The following KDM4B variants were observed in gnomAD, a reference collection of about 807,000 sequenced individuals.
The protein encoded by KDM4B is lysine-specific demethylase 4B.
Under a neutral mutation model 125.2 loss-of-function variants are expected in KDM4B, and 32 were observed. The observed-to-expected ratio is 0.26, with a 90% confidence interval of 0.19 to 0.34. The LOEUF (loss-of-function observed/expected upper bound fraction) is 0.34. Ranked by LOEUF, KDM4B falls within the 10% of genes least tolerant of loss-of-function variation. The pLI is 1.00. For missense variants in KDM4B, 1,190 were observed against 1,577.7 expected, an observed-to-expected ratio of 0.75 and a Z score of 4.16; for synonymous variants, 721 against 677.9, an observed-to-expected ratio of 1.06 and a Z score of -0.99.
chr19:5,119,352 C>G, intron 10 of KDM4B: 1 of 681,658 alleles, frequency 1.5e-6, no homozygotes, highest in Non-Finnish European at 2.5e-6. Flanking sequence ...CCCGTCATCC[C>G]ACCTGGTGTC....
chr19:5,090,606 C>G (rs1218251122), intron 9 of KDM4B, among the ~76,000 whole-genome samples: 2 of 83,626 alleles, frequency 2.4e-5, no homozygotes, highest in Non-Finnish European at 4.9e-5. Flanking sequence ...CTCTTTCTCT[C>G]TCTCTCTCTG....
intron 11 of KDM4B, among the ~76,000 whole-genome samples, chr19:5,129,092 T>C (rs915622376): frequency 6.6e-6 from 1 of 152,134 alleles, no homozygotes; most frequent in African/African-American, 2.4e-5. Context: ...CGCCTGTCCT[T>C]CTTGAGAAAC....
chr19:5,138,102 C>A, intron 18 of KDM4B, 32 bp downstream of exon 18: 2 of 1,553,052 alleles, frequency 1.3e-6, no homozygotes, highest in Non-Finnish European at 8.8e-7. Context: ...CCACCCTGCC[C>A]GTGCCTCTAG....
chr19:5,014,921 G>A (rs979023841), intron 1 of KDM4B, among the ~76,000 whole-genome samples: 4 of 151,658 alleles, frequency 2.6e-5, no homozygotes, highest in Non-Finnish European at 4.4e-5. Context: ...CTTGAACCCG[G>A]CAGGCGGAGG....
chr19:5,130,583 G>A (rs763393570), intron 11 of KDM4B, among the ~76,000 whole-genome samples: 1 of 152,226 alleles, frequency 6.6e-6, no homozygotes, highest in East Asian at 1.9e-4. Context: ...TTTTACTTTC[G>A]TCAAAAGCAA....
intron 6 of KDM4B, among the ~76,000 whole-genome samples, chr19:5,070,139 C>T (rs766749659): frequency 3.5e-4 from 53 of 152,302 alleles, no homozygotes; most frequent in Non-Finnish European, 7.2e-4. Flanking sequence ...CCTCAGCTGG[C>T]ACTCAGCTGT....
At chr19:5,049,763 A>T (rs1317498170) in intron 6 of KDM4B, among the ~76,000 whole-genome samples, 2 of 151,972 alleles carry the variant, frequency 1.3e-5, no homozygotes, top group African/African-American at 2.4e-5. Flanking sequence ...TCCCCAGCAG[A>T]TGGTAGGGGC....
At chr19:5,026,067 G>A (rs2036268592) in intron 2 of KDM4B, among the ~76,000 whole-genome samples, 1 of 151,070 alleles carries the variant, frequency 6.6e-6, no homozygotes, top group Non-Finnish European at 1.5e-5. Flanking sequence ...ATTTTTAGTA[G>A]AGATGGGAGT....
chr19:5,057,284 G>T (rs976361923), intron 6 of KDM4B, among the ~76,000 whole-genome samples: 2 of 152,124 alleles, frequency 1.3e-5, no homozygotes, highest in African/African-American at 4.8e-5. Flanking sequence ...GGCTGCATTG[G>T]AAGGTCTTAC....
At chr19:5,101,035 A>T (rs2145950472) in intron 9 of KDM4B, among the ~76,000 whole-genome samples, 1 of 151,346 alleles carries the variant, frequency 6.6e-6, no homozygotes, top group East Asian at 2.0e-4. Context: ...AGCCTGGCCA[A>T]CATGGTGAAA....
chr19:5,135,454 C>T lies in KDM4B; in HGVS notation c.2201C>T (p.Thr734Ile). The stretch of plus-strand genomic sequence containing the variant: ...CCGCTCATCCCTGAGATGTGCTTCA[C>T]CTCTGGCGGTGAGAACACGGAGCCG... Reference protein sequence around the residue: ...TRPLIPEMCFTSGGENTEPLP... With the variant: ...TRPLIPEMCFISGGENTEPLP... Residue 734 changes from threonine (T) to isoleucine (I), a missense_variant, in exon 15 of 23, where the codon ACC becomes ATC. This residue lies in a region of KDM4B where 298 missense variants were observed against 439.7 expected (regional missense o/e 0.68). Coordinates refer to ENST00000159111, the MANE Select transcript of KDM4B (RefSeq NM_015015.3). 6 of 1,613,530 alleles carry T rather than the reference C, an allele frequency of 3.7e-6. No individual in the cohort carries two copies. Among genetic ancestry groups the T allele is most frequent in the East Asian group, 2.2e-5 (1 of 44,876 alleles).
At chr19:5,004,828 C>T (rs2035506807) in intron 1 of KDM4B, among the ~76,000 whole-genome samples, 1 of 152,158 alleles carries the variant, frequency 6.6e-6, no homozygotes, top group Non-Finnish European at 1.5e-5. Context: ...ACTGTCCAGG[C>T]AGCCCTCAGA....
chr19:5,112,278 A>C (rs189012146), intron 10 of KDM4B: 1 of 164,052 alleles, frequency 6.1e-6, no homozygotes, highest in East Asian at 1.8e-4. Context: ...AAACAAACAA[A>C]AAAACATGTA....
chr19:5,057,138 C>A (rs1253669622), intron 6 of KDM4B, among the ~76,000 whole-genome samples: 2 of 151,886 alleles, frequency 1.3e-5, no homozygotes, highest in African/African-American at 4.8e-5. Flanking sequence ...GACACGGCCC[C>A]CACCTGTGCC....
At chr19:5,067,184 G>C (rs1296378101) in intron 6 of KDM4B, among the ~76,000 whole-genome samples, 1 of 152,172 alleles carries the variant, frequency 6.6e-6, no homozygotes, top group Non-Finnish European at 1.5e-5. Flanking sequence ...TCCGTGCTCG[G>C]AGAGCTTAGC....
At chr19:4,974,468 G>T (rs939636412) in intron 1 of KDM4B, among the ~76,000 whole-genome samples, 1 of 151,982 alleles carries the variant, frequency 6.6e-6, no homozygotes, top group East Asian at 1.9e-4. Flanking sequence ...GCCAGGTGTG[G>T]TGGCTCACGC....
Position 4,991,569 on chromosome 19 carries a change from C to T in KDM4B, c.-109+22339C>T, listed in dbSNP as rs565051369. 2.0e-5 allele frequency among the ~76,000 whole-genome samples: 3 copies of T among 152,324 alleles called. No individual in the cohort carries two copies. The East Asian group carries it at 5.8e-4, about 29-fold the overall frequency. ...AACATTTTACATAACTTTAGTGTCC[C>T]GTTAAAACTAGGAAATTGACACAGG... is the stretch of plus-strand genomic sequence containing the variant. On this transcript the variant is annotated intron_variant, in intron 1 of 22. Coordinates refer to ENST00000159111, the MANE Select transcript of KDM4B (RefSeq NM_015015.3).
chr19:5,068,484 C>T (rs935633620), intron 6 of KDM4B, among the ~76,000 whole-genome samples: 6 of 152,016 alleles, frequency 3.9e-5, no homozygotes, highest in Non-Finnish European at 8.8e-5. Flanking sequence ...CCTGTGTGGA[C>T]GGAGCGTGGC....
chr19:5,070,250 G>A (rs1252883183), intron 6 of KDM4B, among the ~76,000 whole-genome samples: 3 of 152,134 alleles, frequency 2.0e-5, no homozygotes, highest in Non-Finnish European at 1.5e-5. Context: ...TGGTGTCCCC[G>A]TTGGCACTGG....
Sources: gnomAD v4.1 joint callset for allele counts (sites outside exome capture counted in the v4.1 genomes callset) on GRCh38, gnomAD v4.1.1 for gene constraint, gnomAD v4.1.1 regional missense constraint, MANE v1.5 for transcripts, NCBI Gene and HGNC (gene_info 2026-07-23, HGNC 2026-07-21) for gene names.